The following MRPS18C variants were observed in gnomAD, a reference collection of about 807,000 sequenced individuals.
The protein encoded by MRPS18C is small ribosomal subunit protein bS18m.
MRPS18C carries 21 observed loss-of-function variants against 21.0 expected under a neutral mutation model. That is an observed-to-expected ratio of 1.00 (90% confidence interval 0.71 to 1.44). The LOEUF is 1.44. Ranked by LOEUF, MRPS18C falls within the 40% of genes most tolerant of loss-of-function variation. MRPS18C has a pLI of 0.00. For synonymous variants in MRPS18C, 65 were observed against 54.3 expected, an observed-to-expected ratio of 1.20 and a Z score of -0.87; for missense variants, 152 against 171.5, an observed-to-expected ratio of 0.89 and a Z score of 0.64.
At position 83,458,357 on chromosome 4, in the gene MRPS18C, G is replaced by A. The variant is rs1275487146; in HGVS notation, c.162G>A (p.Met54Ile). ...VSSNEDLPIS[M>I]ENPYKEPLKK... ...GTTTTTTTCCCTAGCCCATTTCAAT[G>A]GAAAATCCTTATAAAGAACCTCTTA... The change falls in exon 3 of 6, where the codon ATG becomes ATA. Residue 54 changes from methionine to isoleucine, a missense_variant. Coordinates refer to ENST00000295491, the MANE Select transcript of MRPS18C (RefSeq NM_016067.4). 9.4e-6 allele frequency: 15 copies of A among 1,598,508 alleles called. No individual in the cohort carries two copies. The highest frequency in any genetic ancestry group is 1.3e-5 in the African/African-American group (1 of 74,484).
At chr4:83,457,091 A>C in intron 2 of MRPS18C, 133 bp downstream of exon 2, 1 of 676,892 alleles carries the variant, frequency 1.5e-6, no homozygotes, top group Non-Finnish European at 2.4e-6. Flanking sequence ...GCCGTAGGAC[A>C]AAACAATTTG....
At position 83,460,971 on chromosome 4, in the gene MRPS18C, A is replaced by G; in HGVS notation, c.293-2A>G. On this transcript the variant is annotated splice_acceptor_variant, in intron 4 of 5. Coordinates refer to ENST00000295491, the MANE Select transcript of MRPS18C (RefSeq NM_016067.4). LOFTEE classifies it high-confidence loss of function. ...TGAATAAGAAAGCTTTTTATTTTAC[A>G]GGTCTTTGTGGGAAGAAACAGAAAG... 1 of 1,595,132 alleles carries G rather than the reference A, an allele frequency of 6.3e-7. No individual in the cohort carries two copies. The highest frequency in any genetic ancestry group is 8.5e-7 in the Non-Finnish European group (1 of 1,175,056).
At chr4:83,459,290 A>C (rs1721987617) in intron 3 of MRPS18C, 1 of 154,772 alleles carries the variant, frequency 6.5e-6, no homozygotes, top group Non-Finnish European at 1.4e-5. Flanking sequence ...TAGCACCTAG[A>C]AAGGTTCTAA....
chr4:83,458,204 CAAAAT>C (rs934702727), intron 2 of MRPS18C, 137 bp from the exon 3 acceptor site: 7 of 605,026 alleles, frequency 1.2e-5, no homozygotes, highest in African/African-American at 3.9e-5. Context: ...TAAACTAAAA[CAAAAT>C]AAAGTGCTTA....
rs1462203793 is a variant in MRPS18C, at chr4:83,460,877, GC to G, written c.293-94del. 3.6e-5 allele frequency: 38 copies of G among 1,041,602 alleles called. No homozygotes were observed. The East Asian group carries it at 7.1e-4, about 19-fold the overall frequency. The allele number at this position is 1,041,602 out of a possible 1,614,324, so 64.5% of individuals were successfully genotyped here. ...GGCGAGAGAGCACCACTGTACTCCAGCCTGGGTGACACAGGGAGACTCCATC... is the reference window on the plus strand; with the variant it reads ...GGCGAGAGAGCACCACTGTACTCCAGCTGGGTGACACAGGGAGACTCCATC... On this transcript the variant is annotated intron_variant, in intron 4 of 5. Coordinates refer to ENST00000295491, the MANE Select transcript of MRPS18C (RefSeq NM_016067.4).
rs755509570 is a variant in MRPS18C, at chr4:83,459,756, T to G, written c.251T>G (p.Val84Gly). ...CCAAAACAGCTTTTGTCCCAGTTTGTTTCTCCATTTACTGGATGCATTTAT... is the reference window on the plus strand; with the variant it reads ...CCAAAACAGCTTTTGTCCCAGTTTGGTTCTCCATTTACTGGATGCATTTAT... The part of the protein sequence containing the change: ...YKNVQLLSQF[V>G]SPFTGCIYGR... Residue 84 changes from valine (V) to glycine (G), a missense_variant, in exon 4 of 6, where the codon GTT (valine) becomes GGT (glycine). This residue lies in a region of MRPS18C where 118 missense variants were observed against 104.4 expected (regional missense o/e 1.13). Transcript: ENST00000295491. 6.2e-7 allele frequency: 1 copy of G among 1,610,972 alleles called. No individual in the cohort carries two copies. Among genetic ancestry groups the G allele is most frequent in the Non-Finnish European group, 8.5e-7 (1 of 1,178,440 alleles).
At chr4:83,458,324 G>C (rs1004774844) in intron 2 of MRPS18C, 22 bp from the exon 3 acceptor site, 12 of 1,494,324 alleles carry the variant, frequency 8.0e-6, no homozygotes, top group Non-Finnish European at 1.1e-5. Flanking sequence ...CCTATTATCA[G>C]ACTTTTCGTT....
In MRPS18C at chr4:83,461,040, A is replaced by G; in HGVS notation, c.352+8A>G. 6.2e-7 allele frequency: 1 copy of G among 1,612,740 alleles called. No homozygotes were observed. Among genetic ancestry groups the G allele is most frequent in the African/African-American group, 1.3e-5 (1 of 74,906 alleles). ...AGAGAGCTCAAATAATGGGTAAGAAAGAATACCTCAACAACTGAATTGAGC... is the reference window on the plus strand; with the variant it reads ...AGAGAGCTCAAATAATGGGTAAGAAGGAATACCTCAACAACTGAATTGAGC... On this transcript the variant is annotated splice_region_variant and intron_variant, in intron 5 of 5. Coordinates refer to ENST00000295491, the MANE Select transcript of MRPS18C (RefSeq NM_016067.4).
chr4:83,456,163 C>A lies in MRPS18C; in HGVS notation c.86C>A (p.Pro29His). Reference sequence around the variant, plus strand: ...ACGGCTGCTGTCAGCCTTACACATCCCGGGACTCACACGGGTAAAGTCTCC... The same window carrying A: ...ACGGCTGCTGTCAGCCTTACACATCACGGGACTCACACGGGTAAAGTCTCC... ...LVTAAVSLTH[P>H]GTHTVLWRRG... The change falls in exon 1 of 6, where the codon CCC becomes CAC. Residue 29 changes from proline (P) to histidine (H), a missense_variant. By Grantham distance (77) the Pro-to-His change is moderately conservative. Around this residue, in one of 2 missense-constraint regions of MRPS18C, gnomAD observed 118 missense variants for 104.4 expected, o/e 1.13. Coordinates refer to ENST00000295491, the MANE Select transcript of MRPS18C (RefSeq NM_016067.4). The A allele has an allele frequency of 6.2e-7, 1 of 1,613,850 alleles. No homozygotes were observed.
At chr4:83,459,197 GT>G (rs1721984007) in intron 3 of MRPS18C, 1 of 124,580 alleles carries the variant, frequency 8.0e-6, no homozygotes, top group African/African-American at 3.4e-5. Flanking sequence ...ATAGTATAAA[GT>G]GATAGCTGCC....
chr4:83,458,416 A>G lies in MRPS18C; in HGVS notation c.221A>G (p.Tyr74Cys), dbSNP rs372329817. The G allele has an allele frequency of 1.3e-6, 2 of 1,590,828 alleles. No homozygotes were observed. The highest frequency in any genetic ancestry group is 1.7e-5 in the Admixed American group (1 of 59,266). The change falls in exon 3 of 6, where the codon TAT becomes TGT. Residue 74 changes from tyrosine (Y) to cysteine (C), a missense_variant. This residue lies in a region of MRPS18C where 118 missense variants were observed against 104.4 expected (regional missense o/e 1.13). Coordinates refer to ENST00000295491, the MANE Select transcript of MRPS18C (RefSeq NM_016067.4). Reference protein sequence around the residue: ...KCILCGKHVDYKNVQLLSQFV... With the variant: ...KCILCGKHVDCKNVQLLSQFV... Reference sequence around the variant, plus strand: ...ATCTTGTGTGGAAAGCATGTAGATTATAAGAATGTACAGGTGAGATCTGGT... The same window carrying G: ...ATCTTGTGTGGAAAGCATGTAGATTGTAAGAATGTACAGGTGAGATCTGGT...
At chr4:83,459,979 T>C (rs548053265) in intron 4 of MRPS18C, 182 bp downstream of exon 4, 2 of 506,720 alleles carry the variant, frequency 3.9e-6, no homozygotes, top group Admixed American at 7.6e-5. Context: ...ATTATTTTGC[T>C]GTCTTATGCA....
At chr4:83,458,075 A>C (rs1023264737) in intron 2 of MRPS18C, 1 of 323,202 alleles carries the variant, frequency 3.1e-6, no homozygotes, top group African/African-American at 2.2e-5. Context: ...CATTATCTAC[A>C]ATCTGAGCAA....
At chr4:83,456,213 T>A in intron 1 of MRPS18C, 36 bp downstream of exon 1, 1 of 1,566,210 alleles carries the variant, frequency 6.4e-7, no homozygotes, top group Non-Finnish European at 8.8e-7. Context: ...ATTGTAGCGC[T>A]GCAGGCATTA....
In MRPS18C at chr4:83,462,208, T is replaced by A; in HGVS notation, c.*1011T>A. ...GTGCCTGGTCTCACTTTTCCAATTC[T>A]AAAGAATGTGTCTGTGTAAGCCTTC... On this transcript the variant is annotated 3_prime_UTR_variant, in exon 6 of 6. Transcript: ENST00000295491. The A allele has an allele frequency of 2.6e-6, 1 of 383,096 alleles. No individual in the cohort carries two copies. Among genetic ancestry groups the A allele is most frequent in the Non-Finnish European group, 4.7e-6 (1 of 214,760 alleles). 23.7% of individuals were successfully genotyped at this position (383,096 alleles called of 1,614,324 possible). A position where few individuals can be genotyped will look rare whatever the true frequency, so the allele number is the denominator to read the frequency against.
intron 4 of MRPS18C, 189 bp downstream of exon 4, chr4:83,459,986 T>C: frequency 2.1e-6 from 1 of 479,756 alleles, no homozygotes; most frequent in Non-Finnish European, 3.7e-6. Context: ...TGCTGTCTTA[T>C]GCAGAGTTAA....
At chr4:83,460,813 A>G in intron 4 of MRPS18C, 160 bp from the exon 5 acceptor site, 1 of 610,168 alleles carries the variant, frequency 1.6e-6, no homozygotes, top group Non-Finnish European at 2.9e-6. Context: ...GGCTGAGGCA[A>G]GATAATCGAT....
chr4:83,460,690 G>C, intron 4 of MRPS18C: 1 of 332,916 alleles, frequency 3.0e-6, no homozygotes, highest in Non-Finnish European at 5.6e-6. Flanking sequence ...GATCACCTGA[G>C]GCCAGGAGTT....
intron 4 of MRPS18C, 50 bp downstream of exon 4, chr4:83,459,847 A>C: frequency 2.1e-6 from 3 of 1,440,460 alleles, no homozygotes; most frequent in Non-Finnish European, 2.9e-6. Context: ...GAATTATATC[A>C]ATCTATTTCT....
Sources: gnomAD v4.1 joint callset for allele counts on GRCh38, gnomAD v4.1.1 for gene constraint, gnomAD v4.1.1 regional missense constraint, MANE v1.5 for transcripts, NCBI Gene and HGNC (gene_info 2026-07-23, HGNC 2026-07-21) for gene names.